The following ASIP variants were observed in gnomAD, a reference collection of about 807,000 sequenced individuals.
ASIP encodes the protein agouti signaling protein.
Under a neutral mutation model 10.3 loss-of-function variants are expected in ASIP, and 11 were observed. The ratio of observed to expected loss-of-function variants is 1.07; its 90% confidence interval spans 0.68 to 1.78. The LOEUF is 1.78. ASIP is among the 40% of genes most tolerant of loss of function. The pLI, the probability that ASIP is intolerant of heterozygous loss-of-function variation, is 0.00. For synonymous variants in ASIP, 70 were observed against 70.8 expected (o/e 0.99, Z 0.06); for missense variants, 180 against 169.2 (o/e 1.06, Z -0.35).
At chr20:34,256,496 GTCTC>G (rs1452831461) in intron 1 of ASIP, among the ~76,000 whole-genome samples, 1 of 152,260 alleles carries the variant, frequency 6.6e-6, no homozygotes, top group South Asian at 2.1e-4. Flanking sequence ...TAGAGATGAG[GTCTC>G]TCTATGTTGC....
chr20:34,232,583 A>G (rs1472396927), intron 1 of ASIP, among the ~76,000 whole-genome samples: 1 of 152,220 alleles, frequency 6.6e-6, no homozygotes. Flanking sequence ...GAGGATCTGT[A>G]GGTCTTATTT....
intron 1 of ASIP, among the ~76,000 whole-genome samples, chr20:34,244,065 A>AAAAC (rs966170774): frequency 3.9e-5 from 6 of 152,178 alleles, no homozygotes; most frequent in Non-Finnish European, 7.4e-5. Flanking sequence ...ACTCCATCTC[A>AAAAC]AAACAAACAA....
Position 34,262,820 on chromosome 20 carries a change from C to T in ASIP, c.161-12C>T. 1 of 1,613,800 alleles carries T rather than the reference C, an allele frequency of 6.2e-7. No homozygotes were observed. Among genetic ancestry groups the T allele is most frequent in the Non-Finnish European group, 8.5e-7 (1 of 1,179,824 alleles). Reference sequence around the variant, plus strand: ...AAACATCTGACTTTGCTCCTTTTGTCTCTCTTTGAAGCGCTGAACAAGAAA... The same window carrying T: ...AAACATCTGACTTTGCTCCTTTTGTTTCTCTTTGAAGCGCTGAACAAGAAA... On this transcript the variant is annotated splice_polypyrimidine_tract_variant and intron_variant, in intron 2 of 3. Coordinates refer to ENST00000374954, the MANE Select transcript of ASIP (RefSeq NM_001672.3).
At chr20:34,191,678 T>G (rs555920060), upstream of ASIP, among the ~76,000 whole-genome samples, 5 of 151,994 alleles carry the variant, frequency 3.3e-5, no homozygotes, top group South Asian at 1.0e-3. Context: ...CTTTATTTCC[T>G]TCCCTCCCTT....
At chr20:34,209,350 C>T (rs535335022) in intron 1 of ASIP, among the ~76,000 whole-genome samples, 7 of 152,226 alleles carry the variant, frequency 4.6e-5, no homozygotes, top group Non-Finnish European at 8.8e-5. Context: ...CCTACCCTCA[C>T]GGGTGCAGCT....
At chr20:34,214,568 T>C (rs1601574396) in intron 1 of ASIP, 3 of 1,459,144 alleles carry the variant, frequency 2.1e-6, no homozygotes, top group East Asian at 4.5e-5. Context: ...TTCTGCAGTG[T>C]AGAACTAAAA....
At chr20:34,244,447 A>C (rs902038194) in intron 1 of ASIP, among the ~76,000 whole-genome samples, 3 of 152,212 alleles carry the variant, frequency 2.0e-5, no homozygotes, top group Non-Finnish European at 4.4e-5. Context: ...AATGATGATG[A>C]TTAATGTCTA....
chr20:34,197,028 C>T (rs1189766602), intron 1 of ASIP, among the ~76,000 whole-genome samples: 6 of 144,338 alleles, frequency 4.2e-5, no homozygotes, highest in Non-Finnish European at 7.6e-5. Flanking sequence ...CAATTTGAAT[C>T]TTGTTTAAAA....
chr20:34,251,144 C>A (rs1383895535), intron 1 of ASIP, among the ~76,000 whole-genome samples: 1 of 152,130 alleles, frequency 6.6e-6, no homozygotes, highest in African/African-American at 2.4e-5. Flanking sequence ...TGGGCTTGTA[C>A]AAACTTTCCA....
intron 1 of ASIP, among the ~76,000 whole-genome samples, chr20:34,209,526 C>A (rs1175899453): frequency 6.6e-6 from 1 of 152,212 alleles, no homozygotes; most frequent in East Asian, 1.9e-4. Context: ...CCCCCCTGTA[C>A]CCCCAACCAG....
intron 3 of ASIP, among the ~76,000 whole-genome samples, chr20:34,265,968 G>A (rs570642645): frequency 2.0e-5 from 3 of 151,968 alleles, no homozygotes; most frequent in Non-Finnish European, 2.9e-5. Flanking sequence ...AAAAGCGGAG[G>A]GGGGGAAGTT....
chr20:34,247,618 T>G (rs2035401877), intron 1 of ASIP, among the ~76,000 whole-genome samples: 1 of 150,756 alleles, frequency 6.6e-6, no homozygotes, highest in Non-Finnish European at 1.5e-5. Flanking sequence ...TTATATGACT[T>G]TTTTTTTTGA....
chr20:34,240,656 C>T (rs955611628), upstream of ASIP, among the ~76,000 whole-genome samples: 2 of 152,178 alleles, frequency 1.3e-5, no homozygotes, highest in African/African-American at 2.4e-5. Context: ...CCTTAACTCA[C>T]CCGGAATTTC....
rs777202501 is a variant in ASIP, at chr20:34,260,410, G to T, written c.36G>T (p.Leu12=). The T allele has an allele frequency of 1.2e-6, 2 of 1,614,050 alleles. No individual in the cohort carries two copies. The highest frequency in any genetic ancestry group is 1.7e-6 in the Non-Finnish European group (2 of 1,179,956). ...DVTRLLLATL[L]VFLCFFTANS... is the part of the protein sequence containing the mutation. ...CCCGCTTACTCCTGGCCACCCTGCT[G>T]GTCTTCCTCTGCTTCTTCACTGCCA... Residue 12 remains leucine (L), a synonymous_variant, in exon 2 of 4, where the codon CTG becomes CTT. Transcript: ENST00000374954.
chr20:34,222,934 A>G (rs1017753543), intron 1 of ASIP, among the ~76,000 whole-genome samples: 19 of 152,122 alleles, frequency 1.2e-4, no homozygotes, highest in Admixed American at 9.2e-4. Context: ...TCAGTGCTCA[A>G]TGGTGCCCAG....
chr20:34,233,052 C>G (rs1238549180), intron 1 of ASIP, among the ~76,000 whole-genome samples: 1 of 152,074 alleles, frequency 6.6e-6, no homozygotes, highest in Non-Finnish European at 1.5e-5. Flanking sequence ...GTGTCCCAAC[C>G]CAGTAGCTGT....
At chr20:34,215,842 A>G (rs1180529167) in intron 1 of ASIP, 5 of 1,371,166 alleles carry the variant, frequency 3.6e-6, no homozygotes, top group Non-Finnish European at 5.2e-6. Flanking sequence ...CCCTTAGTCT[A>G]AAGTCTGAAT....
intron 1 of ASIP, among the ~76,000 whole-genome samples, chr20:34,199,571 T>C (rs1230193958): frequency 6.6e-6 from 1 of 152,220 alleles, no homozygotes; most frequent in Non-Finnish European, 1.5e-5. Context: ...CTAATGACGT[T>C]TAGCACCTTT....
chr20:34,251,713 T>A (rs1455806776), intron 1 of ASIP, among the ~76,000 whole-genome samples: 1 of 152,222 alleles, frequency 6.6e-6, no homozygotes, highest in East Asian at 1.9e-4. Flanking sequence ...GGTTATAGTG[T>A]AAGGAGGTGG....
Sources: gnomAD v4.1 joint callset for allele counts (sites outside exome capture counted in the v4.1 genomes callset) on GRCh38, gnomAD v4.1.1 for gene constraint, MANE v1.5 for transcripts, NCBI Gene and HGNC (gene_info 2026-07-23, HGNC 2026-07-21) for gene names.